The following ARFGEF1 variants were observed in gnomAD, a reference collection of about 807,000 sequenced individuals.
ARFGEF1 encodes the protein brefeldin A-inhibited guanine nucleotide-exchange protein 1.
ARFGEF1 carries 42 observed loss-of-function variants against 231.0 expected under a neutral mutation model. That is an observed-to-expected ratio of 0.18 (90% CI 0.14 to 0.24). ARFGEF1 has a LOEUF of 0.24. ARFGEF1 is among the 10% of genes least tolerant of loss of function. The pLI is 1.00. For synonymous variants in ARFGEF1, 710 were observed against 732.3 expected (o/e 0.97, Z 0.49); for missense variants, 1,345 against 2,192.0 (o/e 0.61, Z 7.72).
At chr8:67,261,830 C>CTT (rs34170422) in intron 14 of ARFGEF1, among the ~76,000 whole-genome samples, 93 of 117,986 alleles carry the variant, frequency 7.9e-4, no homozygotes, top group African/African-American at 1.8e-3. Flanking sequence ...AATTTCAAGT[C>CTT]TTTTTTTTTT....
Position 67,288,536 on chromosome 8 carries a change from C to G in ARFGEF1, c.917-471G>C, listed in dbSNP as rs1340954400. ...TCACCTGAGGTGGGGAGTTGGAGACCAGCCTGGCCAACATGGTGAAACCCC... is the reference window on the plus strand; with the variant it reads ...TCACCTGAGGTGGGGAGTTGGAGACGAGCCTGGCCAACATGGTGAAACCCC... On this transcript the variant is annotated intron_variant, in intron 6 of 38. Transcript: ENST00000262215. 7.9e-5 allele frequency among the ~76,000 whole-genome samples: 12 copies of G among 152,048 alleles called. 1 individual carries two copies. The highest frequency in any genetic ancestry group is 1.5e-4 in the African/African-American group (6 of 41,366).
In ARFGEF1 at chr8:67,203,196, C is replaced by A; in HGVS notation, c.5015G>T (p.Arg1672Leu). 2 of 1,614,162 alleles carry A rather than the reference C, an allele frequency of 1.2e-6. No individual in the cohort carries two copies. Among genetic ancestry groups the A allele is most frequent in the Non-Finnish European group, 1.7e-6 (2 of 1,180,028 alleles). Residue 1672 changes from arginine (R) to leucine (L), a missense_variant, in exon 36 of 39, where the codon CGC becomes CTC. Coordinates refer to ENST00000262215, the MANE Select transcript of ARFGEF1 (RefSeq NM_006421.5). Reference protein sequence around the residue: ...RVDTQDQGMYRFLTSQQLFKL... With the variant: ...RVDTQDQGMYLFLTSQQLFKL... ...AAAAAGTTGTTGTGATGTTAAAAAG[C>A]GGTACATTCCTTGGTCTTGAGTATC...
At chr8:67,188,648 G>A (rs1034991579) in intron 5 of ARFGEF1, among the ~76,000 whole-genome samples, 4 of 152,024 alleles carry the variant, frequency 2.6e-5, no homozygotes, top group Non-Finnish European at 5.9e-5. Flanking sequence ...CTGAGCTTTC[G>A]CTTGCTGTCC....
At chr8:67,309,980 C>T (rs146621756) in intron 1 of ARFGEF1, among the ~76,000 whole-genome samples, 33 of 152,250 alleles carry the variant, frequency 2.2e-4, no homozygotes, top group African/African-American at 7.0e-4. Context: ...TCCAACTTTG[C>T]GTTGTAACCA....
rs117716587 is a variant in ARFGEF1, at chr8:67,208,045, G to C, written c.4820-3226C>G. On this transcript the variant is annotated intron_variant, in intron 34 of 38. Transcript: ENST00000262215. The stretch of plus-strand genomic sequence containing the variant: ...TTTAAATTCAGTCTTGAGGCTGAGA[G>C]TGAGAAAAGCCACTCGCTATTCTTT... Among the ~76,000 whole-genome samples, 362 of 152,298 alleles carry C rather than the reference G, an allele frequency of 2.4e-3. 11 individuals carry two copies. The East Asian group carries it at 0.064, about 27-fold the overall frequency.
chr8:67,307,609 G>C (rs992983769), intron 1 of ARFGEF1, among the ~76,000 whole-genome samples: 1 of 152,192 alleles, frequency 6.6e-6, no homozygotes, highest in Non-Finnish European at 1.5e-5. Flanking sequence ...GAGCTGGAGG[G>C]GTAGGAGTGA....
chr8:67,329,437 GA>G (rs1450624296), intron 1 of ARFGEF1, among the ~76,000 whole-genome samples: 4 of 151,706 alleles, frequency 2.6e-5, no homozygotes, highest in African/African-American at 9.7e-5. Flanking sequence ...GCTGAGGCAG[GA>G]GAATGGCGTG....
intron 6 of ARFGEF1, among the ~76,000 whole-genome samples, chr8:67,289,539 A>ACTC (rs1304729780): frequency 7.8e-6 from 1 of 128,856 alleles, no homozygotes; most frequent in Non-Finnish European, 1.6e-5. Flanking sequence ...ACAGAGCAAG[A>ACTC]CTCTGTATCC....
At chr8:67,201,398 C>A in intron 37 of ARFGEF1, 69 bp downstream of exon 37, 1 of 1,534,186 alleles carries the variant, frequency 6.5e-7, no homozygotes, top group African/African-American at 1.4e-5. Flanking sequence ...ATGGTCCCGC[C>A]GGTGCCTCTT....
At chr8:67,204,351 A>T (rs886676701) in intron 35 of ARFGEF1, among the ~76,000 whole-genome samples, 3 of 152,166 alleles carry the variant, frequency 2.0e-5, no homozygotes, top group African/African-American at 7.2e-5. Flanking sequence ...GCTTCTTCTT[A>T]AAACATTTTC....
chr8:67,196,160 C>T (rs1837900352), downstream of ARFGEF1: 1 of 152,242 alleles, frequency 6.6e-6, no homozygotes. Context: ...GTTACATCAT[C>T]TTTCTGCTTC....
At chr8:67,253,423 T>A in intron 18 of ARFGEF1, 28 bp downstream of exon 18, 1 of 1,464,662 alleles carries the variant, frequency 6.8e-7, no homozygotes, top group South Asian at 1.3e-5. Context: ...CCTTGAACAA[T>A]CAGAATTCAA....
intron 1 of ARFGEF1, among the ~76,000 whole-genome samples, chr8:67,313,776 T>C (rs2128923456): frequency 6.6e-6 from 1 of 152,308 alleles, no homozygotes; most frequent in Middle Eastern, 3.4e-3. Flanking sequence ...AAGCATCAGC[T>C]GTAGTAGTGT....
intron 5 of ARFGEF1, among the ~76,000 whole-genome samples, chr8:67,188,307 C>A (rs1306871347): frequency 6.6e-6 from 1 of 152,166 alleles, no homozygotes; most frequent in African/African-American, 2.4e-5. Flanking sequence ...CAAATCTAGG[C>A]CGACTAAGAA....
chr8:67,259,776 A>G, intron 15 of ARFGEF1, 39 bp downstream of exon 15: 1 of 1,460,260 alleles, frequency 6.8e-7, no homozygotes, highest in African/African-American at 1.4e-5. Context: ...AATCCCAAGA[A>G]TTTTACAGAA....
intron 19 of ARFGEF1, among the ~76,000 whole-genome samples, chr8:67,248,473 T>C (rs1009001251): frequency 2.7e-5 from 4 of 150,440 alleles, no homozygotes; most frequent in Non-Finnish European, 4.4e-5. Flanking sequence ...TATCTTGCCA[T>C]ATACAAAAAT....
At chr8:67,274,751 T>G (rs1014627954) in intron 9 of ARFGEF1, among the ~76,000 whole-genome samples, 8 of 152,146 alleles carry the variant, frequency 5.3e-5, no homozygotes, top group Non-Finnish European at 1.0e-4. Context: ...AATAACATTT[T>G]TAAAGCATGG....
intron 5 of ARFGEF1, among the ~76,000 whole-genome samples, chr8:67,180,717 T>G (rs1247245113): frequency 6.6e-6 from 1 of 152,192 alleles, no homozygotes; most frequent in Non-Finnish European, 1.5e-5. Context: ...ACAAAGTGTA[T>G]AAGGAATCTC....
chr8:67,263,271 G>C (rs1467142320), intron 14 of ARFGEF1, among the ~76,000 whole-genome samples: 1 of 151,968 alleles, frequency 6.6e-6, no homozygotes, highest in Non-Finnish European at 1.5e-5. Context: ...TTGTTACTTT[G>C]GTGCTCCAAC....
Sources: gnomAD v4.1 joint callset for allele counts (sites outside exome capture counted in the v4.1 genomes callset) on GRCh38, gnomAD v4.1.1 for gene constraint, MANE v1.5 for transcripts, NCBI Gene and HGNC (gene_info 2026-07-23, HGNC 2026-07-21) for gene names.